PCAT7: variants seen among roughly 807,000 people sequenced by gnomAD.
PCAT7 encodes prostate cancer associated transcript 7.
intron 2 of PCAT7, among the ~76,000 whole-genome samples, chr9:94,561,630 A>G (rs887802598): frequency 2.6e-5 from 4 of 152,022 alleles, no homozygotes; most frequent in Admixed American, 6.6e-5. Flanking sequence ...CTCCCAAAGT[A>G]CTAGGATTAC....
At chr9:94,568,807 A>G (rs1397874426) in intron 2 of PCAT7, 1 of 152,152 alleles carries the variant, frequency 6.6e-6, no homozygotes, top group Non-Finnish European at 1.5e-5. Context: ...TCTGCCTCCT[A>G]GATAAAAATG....
chr9:94,556,845 G>A (rs1827020150), intron 1 of PCAT7, among the ~76,000 whole-genome samples: 1 of 152,118 alleles, frequency 6.6e-6, no homozygotes, highest in Non-Finnish European at 1.5e-5. Flanking sequence ...TCTTTATTTT[G>A]AGTAGATTTT....
At chr9:94,571,492 C>G in intron 2 of PCAT7, 2 of 1,613,592 alleles carry the variant, frequency 1.2e-6, no homozygotes, top group Non-Finnish European at 1.7e-6. Context: ...CCACGCCTTG[C>G]CCTGTGGAGA....
At chr9:94,571,605 G>A (rs747429104) in intron 2 of PCAT7, 1 of 1,609,876 alleles carries the variant, frequency 6.2e-7, no homozygotes, top group Non-Finnish European at 8.5e-7. Context: ...TCTGAGGTCT[G>A]TGGAAGAGAG....
chr9:94,560,752 A>G, intron 2 of PCAT7, among the ~76,000 whole-genome samples: 1 of 147,850 alleles, frequency 6.8e-6, no homozygotes, highest in East Asian at 1.9e-4. Context: ...AATATGTTAT[A>G]TATTTATATA....
intron 2 of PCAT7, chr9:94,563,292 T>G (rs1391250095): frequency 1.9e-6 from 3 of 1,593,126 alleles, no homozygotes; most frequent in Non-Finnish European, 2.6e-6. Flanking sequence ...GGGAGGGAGC[T>G]CCCCCACCTC....
intron 2 of PCAT7, among the ~76,000 whole-genome samples, chr9:94,564,986 T>A (rs1827164641): frequency 6.6e-6 from 1 of 152,196 alleles, no homozygotes. Context: ...ATGATGGATT[T>A]CCTAATTATA....
exon 2 of PCAT7, chr9:94,559,060 T>C: frequency 6.2e-7 from 1 of 1,613,960 alleles, no homozygotes; most frequent in Non-Finnish European, 8.5e-7. Flanking sequence ...ACAGGCTGGG[T>C]CCCCGTGGTC....
At chr9:94,570,154 AG>A (rs1827251916) in intron 2 of PCAT7, 1 of 152,204 alleles carries the variant, frequency 6.6e-6, no homozygotes, top group Non-Finnish European at 1.5e-5. Flanking sequence ...TTCATGACTG[AG>A]GGCAGAAAAC....
intron 2 of PCAT7, among the ~76,000 whole-genome samples, chr9:94,562,814 T>G (rs1047259946): frequency 2.0e-5 from 3 of 152,222 alleles, no homozygotes; most frequent in Non-Finnish European, 2.9e-5. Flanking sequence ...GAACTACCTT[T>G]CCAGATATAT....
At chr9:94,571,578 T>C in intron 2 of PCAT7, 2 of 1,613,586 alleles carry the variant, frequency 1.2e-6, no homozygotes, top group Non-Finnish European at 1.7e-6. Flanking sequence ...AGGGCATCCT[T>C]TTCAGAAGGC....
chr9:94,568,562 C>T (rs1432383221), intron 2 of PCAT7: 1 of 152,166 alleles, frequency 6.6e-6, no homozygotes, highest in Non-Finnish European at 1.5e-5. Flanking sequence ...AAAATGACAG[C>T]TCACAGTTGG....
intron 2 of PCAT7, among the ~76,000 whole-genome samples, chr9:94,561,905 G>A (rs1398647080): frequency 1.3e-5 from 2 of 152,174 alleles, no homozygotes; most frequent in Non-Finnish European, 2.9e-5. Flanking sequence ...ATGAGTATGT[G>A]ATCCCATGTG....
intron 1 of PCAT7, among the ~76,000 whole-genome samples, chr9:94,557,532 C>T (rs1214931359): frequency 2.0e-5 from 3 of 152,154 alleles, no homozygotes; most frequent in African/African-American, 4.8e-5. Flanking sequence ...GACTGAGGAA[C>T]GATGTTGCGT....
intron 2 of PCAT7, among the ~76,000 whole-genome samples, chr9:94,563,158 T>C (rs374534770): frequency 9.2e-5 from 14 of 152,262 alleles, no homozygotes; most frequent in South Asian, 4.1e-4. Flanking sequence ...CCTGTCGCCT[T>C]CTTCTTCAAA....
upstream of PCAT7, among the ~76,000 whole-genome samples, chr9:94,554,724 A>G (rs1283936978): frequency 6.6e-6 from 1 of 152,140 alleles, no homozygotes; most frequent in Non-Finnish European, 1.5e-5. Flanking sequence ...TCTCGCTGCT[A>G]GCCTCCCTCC....
At chr9:94,562,315 A>AC (rs966185473) in intron 2 of PCAT7, among the ~76,000 whole-genome samples, 1 of 150,950 alleles carries the variant, frequency 6.6e-6, no homozygotes, top group Non-Finnish European at 1.5e-5. Flanking sequence ...ATCTCAAAAA[A>AC]AAAAAAAAAA....
intron 2 of PCAT7, among the ~76,000 whole-genome samples, chr9:94,563,179 C>T (rs1420857982): frequency 6.6e-6 from 1 of 152,188 alleles, no homozygotes; most frequent in Non-Finnish European, 1.5e-5. Flanking sequence ...CCTCCCACAG[C>T]CTGGAGACTC....
exon 2 of PCAT7, chr9:94,559,118 A>G (rs139604911): frequency 2.3e-4 from 365 of 1,611,924 alleles, no homozygotes; most frequent in Non-Finnish European, 3.0e-4. Context: ...GATTGCATTC[A>G]TACAGGAGCC....
Sources: gnomAD v4.1 joint callset for allele counts (sites outside exome capture counted in the v4.1 genomes callset) on GRCh38, gnomAD v4.1.1 for gene constraint, MANE v1.5 for transcripts, NCBI Gene and HGNC (gene_info 2026-07-23, HGNC 2026-07-21) for gene names.